GTF2E2: variants seen among roughly 807,000 people sequenced by gnomAD.
GTF2E2 encodes the protein transcription initiation factor IIE subunit beta.
Under a neutral mutation model 40.5 loss-of-function variants are expected in GTF2E2, and 21 were observed. That is an observed-to-expected ratio of 0.52 (90% confidence interval 0.37 to 0.75). The LOEUF (loss-of-function observed/expected upper bound fraction) is 0.75. Ranked by LOEUF, GTF2E2 falls within the 30% of genes least tolerant of loss-of-function variation. The pLI is 0.00. For missense variants in GTF2E2, 298 were observed against 338.4 expected (o/e 0.88, Z 0.94); for synonymous variants, 117 against 121.6 (o/e 0.96, Z 0.25).
At chr8:30,585,494 C>T (rs1828653542) in intron 6 of GTF2E2, among the ~76,000 whole-genome samples, 1 of 152,088 alleles carries the variant, frequency 6.6e-6, no homozygotes, top group African/African-American at 2.4e-5. Context: ...ATATTAAATA[C>T]ATCGTAAAGA....
chr8:30,620,986 C>G (rs1057453135), intron 3 of GTF2E2, among the ~76,000 whole-genome samples: 7 of 151,604 alleles, frequency 4.6e-5, no homozygotes, highest in Non-Finnish European at 1.0e-4. Context: ...GTGCAGTAGA[C>G]TTTTGGATAT....
At chr8:30,617,513 G>T (rs1260666624) in intron 3 of GTF2E2, among the ~76,000 whole-genome samples, 1 of 152,082 alleles carries the variant, frequency 6.6e-6, no homozygotes, top group Non-Finnish European at 1.5e-5. Flanking sequence ...AGGTCAAAGT[G>T]GGCAGGTTGC....
chr8:30,613,884 T>C lies in GTF2E2; in HGVS notation c.366+724A>G, dbSNP rs538109353. 1.3e-3 allele frequency among the ~76,000 whole-genome samples: 200 copies of C among 152,304 alleles called. 2 individuals carry two copies. The highest frequency in any genetic ancestry group is 0.012 in the South Asian group (59 of 4,830). On this transcript the variant is annotated intron_variant, in intron 4 of 7. Transcript: ENST00000355904. ...CAAATTAGCATGGTCACTGACTGCG[T>C]TGGGGTTTCTTCAAATGATGTGTGT...
chr8:30,634,314 G>A (rs2128723529), intron 3 of GTF2E2, among the ~76,000 whole-genome samples: 1 of 152,196 alleles, frequency 6.6e-6, no homozygotes, highest in Non-Finnish European at 1.5e-5. Context: ...CAGGCATGGT[G>A]GTGCATGCCT....
In GTF2E2 at chr8:30,578,439, G is replaced by A. The variant is rs567662984; in HGVS notation, c.*482C>T. 2.5e-5 allele frequency: 4 copies of A among 159,542 alleles called. No homozygotes were observed. The highest frequency in any genetic ancestry group is 3.6e-4 in the East Asian group (2 of 5,500). 9.9% of individuals were successfully genotyped at this position (159,542 alleles called of 1,614,324 possible). A position where few individuals can be genotyped will look rare whatever the true frequency, so the allele number is the denominator to read the frequency against. On this transcript the variant is annotated 3_prime_UTR_variant, in exon 8 of 8. Coordinates refer to ENST00000355904, the MANE Select transcript of GTF2E2 (RefSeq NM_002095.6). ...GCAGGCTTCATCACATCCCCAGCAC[G>A]TGACCCATGGAAATCAGAGACTGGA...
At chr8:30,620,239 A>AACACAAACACACACACAC (rs61566167) in intron 3 of GTF2E2, among the ~76,000 whole-genome samples, 1 of 150,418 alleles carries the variant, frequency 6.6e-6, no homozygotes, top group Admixed American at 6.6e-5. Flanking sequence ...CACACACACA[A>AACACAAACACACACACAC]ACACACACAC....
chr8:30,614,859 C>T (rs945670713), intron 3 of GTF2E2, 144 bp from the exon 4 acceptor site: 1 of 566,908 alleles, frequency 1.8e-6, no homozygotes, highest in African/African-American at 1.9e-5. Flanking sequence ...AGCCATAGAC[C>T]ATGAAATCAG....
At chr8:30,590,065 C>T (rs982702390) in intron 6 of GTF2E2, among the ~76,000 whole-genome samples, 1 of 152,186 alleles carries the variant, frequency 6.6e-6, no homozygotes, top group African/African-American at 2.4e-5. Context: ...ATGATATAGA[C>T]AGTTCCACAA....
rs139113119 is a variant in GTF2E2 at position 30,600,207 on chromosome 8, T to C, written c.643+6850A>G. Among the ~76,000 whole-genome samples the C allele has an allele frequency of 2.0e-5, 3 of 152,248 alleles. No homozygotes were observed. The East Asian group carries it at 5.8e-4, about 29-fold the overall frequency. Reference sequence around the variant, plus strand: ...CGTAACTGCAAAAAATCAGCACAAATGTGGCCTGAGACTGCTAAATTGGCT... The same window carrying C: ...CGTAACTGCAAAAAATCAGCACAAACGTGGCCTGAGACTGCTAAATTGGCT... On this transcript the variant is annotated intron_variant, in intron 6 of 7. Coordinates refer to ENST00000355904, the MANE Select transcript of GTF2E2 (RefSeq NM_002095.6).
intron 3 of GTF2E2, among the ~76,000 whole-genome samples, chr8:30,617,968 A>G (rs367835072): frequency 1.3e-5 from 2 of 152,138 alleles, no homozygotes; most frequent in East Asian, 1.9e-4. Context: ...TCTTTAGAAC[A>G]TTTATTAAAA....
At chr8:30,627,861 G>A (rs1429020476) in intron 3 of GTF2E2, among the ~76,000 whole-genome samples, 3 of 152,210 alleles carry the variant, frequency 2.0e-5, no homozygotes, top group Non-Finnish European at 4.4e-5. Flanking sequence ...TTTACTGAGT[G>A]CTTTGAAGAT....
chr8:30,656,275 C>G (rs1802445432), intron 1 of GTF2E2, among the ~76,000 whole-genome samples: 1 of 152,070 alleles, frequency 6.6e-6, no homozygotes, highest in Non-Finnish European at 1.5e-5. Context: ...GTCATAAAAA[C>G]GTGTTATTTC....
chr8:30,621,142 A>G (rs1017218493), intron 3 of GTF2E2, among the ~76,000 whole-genome samples: 3 of 152,000 alleles, frequency 2.0e-5, no homozygotes, highest in Admixed American at 1.3e-4. Flanking sequence ...TTTCCTTTAC[A>G]TTAAAAGTTT....
In GTF2E2 at chr8:30,580,367, C is replaced by T. The variant is rs2151104228; in HGVS notation, c.673G>A (p.Val225Ile). ...ATTTTCTCCTCGTCCATGGAATCTA[C>T]AGTGACACTCCTCCACAGTTTCTGA... ...EFQKLWRSVT[V>I]DSMDEEKIEE... Residue 225 changes from valine to isoleucine, a missense_variant, in exon 7 of 8, where the codon GTA becomes ATA. Val to Ile is a conservative substitution (Grantham distance 29, BLOSUM62 3). Transcript: ENST00000355904. 1 of 1,593,116 alleles carries T rather than the reference C, an allele frequency of 6.3e-7. No individual in the cohort carries two copies. The highest frequency in any genetic ancestry group is 8.6e-7 in the Non-Finnish European group (1 of 1,161,088).
chr8:30,580,570 G>A (rs1162132341), intron 6 of GTF2E2, among the ~76,000 whole-genome samples, 174 bp from the exon 7 acceptor site: 2 of 152,170 alleles, frequency 1.3e-5, no homozygotes, highest in East Asian at 3.9e-4. Context: ...GCAGGGAAAG[G>A]CCTGGAGACA....
rs1003247475 is a variant in GTF2E2, at chr8:30,658,145, G to A, written c.-177C>T. The A allele has an allele frequency of 1.5e-5, 3 of 193,602 alleles. No individual in the cohort carries two copies. Among genetic ancestry groups the A allele is most frequent in the African/African-American group, 7.2e-5 (3 of 41,698 alleles). The allele number at this position is 193,602 out of a possible 1,614,324, so 12.0% of individuals were successfully genotyped here. A position where few individuals can be genotyped will look rare whatever the true frequency, so the allele number is the denominator to read the frequency against. ...GGTCGGGGTCTCACCACTGGCGGTGGCGGCGGCGGCGGCGGCAGCGGCGGT... is the reference window on the plus strand; with the variant it reads ...GGTCGGGGTCTCACCACTGGCGGTGACGGCGGCGGCGGCGGCAGCGGCGGT... On this transcript the variant is annotated 5_prime_UTR_variant, in exon 1 of 8. Coordinates refer to ENST00000355904, the MANE Select transcript of GTF2E2 (RefSeq NM_002095.6).
intron 6 of GTF2E2, among the ~76,000 whole-genome samples, chr8:30,583,996 CAG>C (rs1271606765): frequency 6.7e-6 from 1 of 148,402 alleles, no homozygotes; most frequent in Non-Finnish European, 1.5e-5. Flanking sequence ...TTAGTAGAGA[CAG>C]GGTTTCACCG....
chr8:30,602,141 C>T (rs1055205971), intron 6 of GTF2E2, among the ~76,000 whole-genome samples: 1 of 151,990 alleles, frequency 6.6e-6, no homozygotes, highest in Admixed American at 6.5e-5. Flanking sequence ...TTTCAGCCTC[C>T]CAGGTAGCTG....
Position 30,614,645 on chromosome 8 carries a change from T to C in GTF2E2, c.329A>G (p.Asp110Gly), listed in dbSNP as rs762536890. Residue 110 changes from aspartate (D) to glycine (G), a missense_variant, in exon 4 of 8, where the codon GAT (aspartate) becomes GGT (glycine). By Grantham distance (94) the Asp-to-Gly change is moderately conservative (BLOSUM62 -1). Transcript: ENST00000355904. ...DEILDETQHL[D>G]IGLKQKQWLM... is the part of the protein sequence containing the mutation. ...CCATTGTTTCTGCTTGAGTCCAATA[T>C]CTAAATGTTGTGTTTCATCCAAAAT... 2 of 1,605,930 alleles carry C rather than the reference T, an allele frequency of 1.2e-6. No homozygotes were observed. The highest frequency in any genetic ancestry group is 1.1e-5 in the South Asian group (1 of 90,864).
Sources: allele counts gnomAD v4.1 joint callset (sites outside exome capture counted in the v4.1 genomes callset), GRCh38; gene constraint gnomAD v4.1.1; transcripts MANE v1.5; gene names NCBI Gene and HGNC (gene_info 2026-07-23, HGNC 2026-07-21).